Variants in IL1RAPL2 observed in about 807,000 individuals in gnomAD.
IL1RAPL2 encodes the protein interleukin 1 receptor accessory protein like 2.
A neutral mutation model predicts 44.1 loss-of-function variants in IL1RAPL2; 3 were observed. The ratio of observed to expected loss-of-function variants is 0.07; its 90% CI spans 0.03 to 0.18. IL1RAPL2 has a LOEUF of 0.18. Among genes scored for constraint, IL1RAPL2 ranks in the 10% least tolerant of loss-of-function variants. IL1RAPL2 has a pLI of 1.00. For missense variants in IL1RAPL2, 391 were observed against 496.4 expected (o/e 0.79, Z 2.02); for synonymous variants, 181 against 178.8 (o/e 1.01, Z -0.10).
intron 4 of IL1RAPL2, among the ~76,000 whole-genome samples, chrX:105,264,323 G>C (rs2034384474): frequency 9.0e-6 from 1 of 111,570 alleles, no homozygotes. Context: ...AGAACTGTGA[G>C]TCAATTAAGC....
At chrX:105,155,721 C>G (rs112414641) in intron 2 of IL1RAPL2, among the ~76,000 whole-genome samples, 7 of 110,370 alleles carry the variant, frequency 6.3e-5, no homozygotes, top group South Asian at 3.9e-4. Flanking sequence ...TTGAATAGAA[C>G]GACAGAACAG....
chrX:104,916,972 A>T (rs952876392), intron 2 of IL1RAPL2, among the ~76,000 whole-genome samples: 1 of 111,655 alleles, frequency 9.0e-6, no homozygotes, highest in Non-Finnish European at 1.9e-5. Flanking sequence ...TCGGTTTGCC[A>T]GTATTTTATT....
intron 2 of IL1RAPL2, among the ~76,000 whole-genome samples, chrX:104,671,491 C>T (rs1349353525): frequency 2.7e-5 from 3 of 111,589 alleles, no homozygotes; most frequent in African/African-American, 9.8e-5. Flanking sequence ...TTGCCCCCAT[C>T]GACCCACCTC....
chrX:104,986,476 G>C (rs1335548164), intron 2 of IL1RAPL2, among the ~76,000 whole-genome samples: 1 of 112,104 alleles, frequency 8.9e-6, no homozygotes, highest in Admixed American at 9.5e-5. Flanking sequence ...ATAATTTTTT[G>C]TCTGCTAGAA....
intron 2 of IL1RAPL2, among the ~76,000 whole-genome samples, chrX:104,770,054 G>A (rs750374807): frequency 9.0e-6 from 1 of 110,724 alleles, no homozygotes; most frequent in East Asian, 2.9e-4. Context: ...TGACATCTAG[G>A]ATTTTTTTTT....
intron 1 of IL1RAPL2, among the ~76,000 whole-genome samples, chrX:104,607,061 A>G (rs1314412428): frequency 9.0e-6 from 1 of 111,678 alleles, no homozygotes; most frequent in Non-Finnish European, 1.9e-5. Flanking sequence ...ATGGAACAGA[A>G]CAGAGGCCTC....
At chrX:105,194,815 G>A (rs184528805) in intron 2 of IL1RAPL2, among the ~76,000 whole-genome samples, 1 of 111,801 alleles carries the variant, frequency 8.9e-6, no homozygotes, top group African/African-American at 3.2e-5. Context: ...AATTGTTATT[G>A]TCACAATTAT....
intron 2 of IL1RAPL2, among the ~76,000 whole-genome samples, chrX:105,134,448 T>C (rs1277333782): frequency 8.9e-6 from 1 of 112,059 alleles, no homozygotes; most frequent in East Asian, 2.8e-4. Flanking sequence ...TGCTAAGTTC[T>C]ACAGATATAG....
chrX:105,464,354 A>G (rs1394457813), intron 5 of IL1RAPL2, among the ~76,000 whole-genome samples: 2 of 111,864 alleles, frequency 1.8e-5, no homozygotes, highest in Non-Finnish European at 3.8e-5. Flanking sequence ...ATAAGGTCAT[A>G]TAGCTAATAA....
chrX:104,956,789 T>G (rs1159162906), intron 2 of IL1RAPL2, among the ~76,000 whole-genome samples: 4 of 111,716 alleles, frequency 3.6e-5, no homozygotes, highest in African/African-American at 1.3e-4. Flanking sequence ...TCTGTCCTTT[T>G]TTCTCACTAA....
chrX:104,920,644 C>T (rs1924610390), intron 2 of IL1RAPL2, among the ~76,000 whole-genome samples: 1 of 106,521 alleles, frequency 9.4e-6, no homozygotes. Context: ...ATGCCAGTGC[C>T]ATGCTTGTAC....
chrX:104,644,846 T>C (rs1477168081), intron 1 of IL1RAPL2, among the ~76,000 whole-genome samples: 1 of 111,745 alleles, frequency 8.9e-6, no homozygotes, highest in African/African-American at 3.2e-5. Context: ...CTCAGTGTTC[T>C]ACTTCCTTAC....
At chrX:104,673,309 T>C (rs1436891519) in intron 2 of IL1RAPL2, among the ~76,000 whole-genome samples, 1 of 111,359 alleles carries the variant, frequency 9.0e-6, no homozygotes, top group Non-Finnish European at 1.9e-5. Context: ...TTCAGCTTTG[T>C]ACATATGGCT....
At chrX:104,846,301 C>G (rs912482163) in intron 2 of IL1RAPL2, among the ~76,000 whole-genome samples, 3 of 110,196 alleles carry the variant, frequency 2.7e-5, no homozygotes, top group Admixed American at 1.9e-4. Context: ...CACCCATTAA[C>G]TCATCATTTA....
intron 6 of IL1RAPL2, among the ~76,000 whole-genome samples, chrX:105,548,537 A>AAAT (rs2036825648): frequency 8.9e-6 from 1 of 111,995 alleles, no homozygotes; most frequent in Non-Finnish European, 1.9e-5. Flanking sequence ...AGTGTTGGAG[A>AAAT]AATAGGCAGC....
chrX:104,823,202 T>G (rs1921355502), intron 2 of IL1RAPL2, among the ~76,000 whole-genome samples: 1 of 111,109 alleles, frequency 9.0e-6, no homozygotes, highest in African/African-American at 3.3e-5. Flanking sequence ...CTGCACCCAC[T>G]AACTCGTCAT....
intron 1 of IL1RAPL2, among the ~76,000 whole-genome samples, chrX:104,619,446 T>C (rs1195098675): frequency 1.8e-5 from 2 of 111,802 alleles, no homozygotes; most frequent in Non-Finnish European, 3.8e-5. Flanking sequence ...GGCTCTCTGC[T>C]TCTCTCACAT....
At chrX:104,981,846 T>G (rs1310051431) in intron 2 of IL1RAPL2, among the ~76,000 whole-genome samples, 2 of 111,562 alleles carry the variant, frequency 1.8e-5, no homozygotes, top group Admixed American at 9.6e-5. Context: ...ATGTAGTTTA[T>G]GTGATGAATC....
chrX:104,761,845 T>TCTTCTCCTTCTC (rs1307424877), intron 2 of IL1RAPL2, among the ~76,000 whole-genome samples: 8 of 53,925 alleles, frequency 1.5e-4, no homozygotes, highest in East Asian at 7.1e-4. Context: ...TCCTTCTCCT[T>TCTTCTCCTTCTC]CTTCTCCTTC....
Sources: allele counts gnomAD v4.1 joint callset (sites outside exome capture counted in the v4.1 genomes callset), GRCh38; gene constraint gnomAD v4.1.1; transcripts MANE v1.5; gene names NCBI Gene and HGNC (gene_info 2026-07-23, HGNC 2026-07-21).